The following NKAP variants were observed in gnomAD, a reference collection of about 807,000 sequenced individuals.
NKAP encodes the protein NF-kappa-B-activating protein.
A neutral mutation model predicts 35.6 loss-of-function variants in NKAP; 4 were observed. The ratio of observed to expected loss-of-function variants is 0.11; its 90% CI spans 0.06 to 0.26. NKAP has a LOEUF of 0.26. Among genes scored for constraint, NKAP ranks in the 10% least tolerant of loss-of-function variants. The pLI, the probability that NKAP is intolerant of heterozygous loss-of-function variation, is 1.00. For synonymous variants in NKAP, 106 were observed against 119.2 expected (o/e 0.89, Z 0.72); for missense variants, 238 against 321.9 (o/e 0.74, Z 1.99).
chrX:119,934,459 AAGAAATTTTCCAT>A, intron 5 of NKAP, 22 bp downstream of exon 5: 1 of 856,745 alleles, frequency 1.2e-6, no homozygotes, highest in African/African-American at 2.2e-5. Flanking sequence ...AAAAAAAGAA[AAGAAATTTTCCAT>A]AATAAAACTT....
chrX:119,932,177 T>G lies in NKAP; in HGVS notation c.777A>C (p.Lys259Asn). The change falls in exon 6 of 9, where the codon AAA becomes AAC. Residue 259 changes from lysine to asparagine, a missense_variant. Physicochemically the swap from Lys to Asn is moderately conservative, Grantham distance 94 (BLOSUM62 0). Transcript: ENST00000371410. ...CTTTAGAGCTTGAATCACTGGACTC[T>G]TTTCTGCTCTTCTTAGACCTCTTTT... ...YKKKRSKKSR[K>N]ESSDSSSKES... 8.3e-7 allele frequency: 1 copy of G among 1,205,933 alleles called. No homozygotes were observed. The highest frequency in any genetic ancestry group is 1.1e-6 in the Non-Finnish European group (1 of 891,525).
intron 4 of NKAP, among the ~76,000 whole-genome samples, chrX:119,935,586 TA>T (rs1244247472): frequency 1.8e-5 from 2 of 111,719 alleles, no homozygotes; most frequent in African/African-American, 6.5e-5. Flanking sequence ...TGCCTCTTTT[TA>T]AGTGTTGCAT....
chrX:119,932,056 G>T (rs1331345081), intron 6 of NKAP, 45 bp from the exon 7 acceptor site: 4 of 1,177,694 alleles, frequency 3.4e-6, no homozygotes, highest in Non-Finnish European at 4.6e-6. Flanking sequence ...CTGACTAATT[G>T]GTTACTTTAA....
At position 119,922,656 on chromosome X, in the gene NKAP, G is replaced by A. The variant is rs930522491; in HGVS notation, c.*2564C>T. 1 of 111,110 alleles carries A rather than the reference G, an allele frequency of 9.0e-6. No homozygotes were observed. The highest frequency in any genetic ancestry group is 3.3e-5 in the African/African-American group (1 of 30,586). The allele number at this position is 111,110 out of a possible 1,213,427, so 9.2% of individuals were successfully genotyped here. ...GGTGGAGGATTGCTTGAGCCCAGGA[G>A]GTGGAGGTTGCAGTGAGCCGAGATT... is the stretch of plus-strand genomic sequence containing the variant. On this transcript the variant is annotated 3_prime_UTR_variant, in exon 9 of 9. Coordinates refer to ENST00000371410, the MANE Select transcript of NKAP (RefSeq NM_024528.4).
chrX:119,935,691 C>G (rs892535483), intron 4 of NKAP, among the ~76,000 whole-genome samples: 7 of 111,377 alleles, frequency 6.3e-5, no homozygotes, highest in African/African-American at 2.3e-4. Context: ...GAAGGTGAAT[C>G]TTTGTGTAAT....
At position 119,938,607 on chromosome X, in the gene NKAP, A is replaced by AT. The variant is rs2056777906; in HGVS notation, c.467+122dup. 8.9e-5 allele frequency: 41 copies of AT among 461,839 alleles called. No homozygotes were observed. In the East Asian group the frequency reaches 1.6e-3, roughly 18 times the overall value. The allele number at this position is 461,839 out of a possible 1,213,427, so 38.1% of individuals were successfully genotyped here. A position where few individuals can be genotyped will look rare whatever the true frequency, so the allele number is the denominator to read the frequency against. Reference sequence around the variant, plus strand: ...TTTAAAACTTAAGGGGTAGAAGAACATAAATCACAAGAAAGAAAAATGTGA... The same window carrying AT: ...TTTAAAACTTAAGGGGTAGAAGAACATTAAATCACAAGAAAGAAAAATGTGA... On this transcript the variant is annotated intron_variant, in intron 2 of 8. Coordinates refer to ENST00000371410, the MANE Select transcript of NKAP (RefSeq NM_024528.4).
intron 1 of NKAP, among the ~76,000 whole-genome samples, chrX:119,939,465 T>G (rs1055563759): frequency 6.3e-5 from 7 of 110,938 alleles, no homozygotes; most frequent in Non-Finnish European, 1.3e-4. Context: ...TTTTGTATTC[T>G]TAGTAGAGAT....
rs1007423284 is a variant in NKAP at position 119,923,467 on chromosome X, A to G, written c.*1753T>C. 1 of 112,235 alleles carries G rather than the reference A, an allele frequency of 8.9e-6. No homozygotes were observed. The highest frequency in any genetic ancestry group is 1.9e-5 in the Non-Finnish European group (1 of 53,273). 9.2% of individuals were successfully genotyped at this position (112,235 alleles called of 1,213,427 possible). A position where few individuals can be genotyped will look rare whatever the true frequency, so the allele number is the denominator to read the frequency against. ...TAATATCATTTTAGTTTCTCTTATG[A>G]AACAATTAAGCTAAAATACTGACTC... On this transcript the variant is annotated 3_prime_UTR_variant, in exon 9 of 9. Transcript: ENST00000371410.
chrX:119,925,560 CTTT>C (rs1024895905), intron 8 of NKAP, among the ~76,000 whole-genome samples, 166 bp from the exon 9 acceptor site: 1 of 109,400 alleles, frequency 9.1e-6, no homozygotes, highest in African/African-American at 3.3e-5. Context: ...CTGACACGTC[CTTT>C]TTTTTTGTTT....
rs1569470860 is a variant in NKAP, at chrX:119,922,923, A to G, written c.*2297T>C. ...ATAATGCAGATCAAATAACCTTAACAAAAACGGCCAGGCACGGTTGCTCAC... is the reference window on the plus strand; with the variant it reads ...ATAATGCAGATCAAATAACCTTAACGAAAACGGCCAGGCACGGTTGCTCAC... On this transcript the variant is annotated 3_prime_UTR_variant, in exon 9 of 9. Transcript: ENST00000371410. The G allele has an allele frequency of 9.0e-6, 1 of 111,269 alleles. No individual in the cohort carries two copies. The highest frequency in any genetic ancestry group is 3.3e-5 in the African/African-American group (1 of 30,666). The allele number at this position is 111,269 out of a possible 1,213,427, so 9.2% of individuals were successfully genotyped here. A position where few individuals can be genotyped will look rare whatever the true frequency, so the allele number is the denominator to read the frequency against.
At position 119,943,719 on chromosome X, in the gene NKAP, G is replaced by T; in HGVS notation, c.-114C>A. The T allele has an allele frequency of 1.1e-6, 1 of 885,655 alleles. No individual in the cohort carries two copies. Among genetic ancestry groups the T allele is most frequent in the South Asian group, 2.6e-5 (1 of 38,083 alleles). The allele number at this position is 885,655 out of a possible 1,213,427, so 73.0% of individuals were successfully genotyped here. The stretch of plus-strand genomic sequence containing the variant: ...CCGCTGCGGAACAGCCCAAATCTGA[G>T]GAAACCTTGGACACAGTTCTGGGTA... On this transcript the variant is annotated 5_prime_UTR_variant, in exon 1 of 9. Coordinates refer to ENST00000371410, the MANE Select transcript of NKAP (RefSeq NM_024528.4).
At chrX:119,936,454 A>G in intron 3 of NKAP, 23 bp from the exon 4 acceptor site, 1 of 1,084,999 alleles carries the variant, frequency 9.2e-7, no homozygotes, top group Non-Finnish European at 1.2e-6. Context: ...AAATTAAAAA[A>G]TTATATTCTA....
At chrX:119,941,666 C>A (rs1457453628) in intron 1 of NKAP, among the ~76,000 whole-genome samples, 1 of 111,389 alleles carries the variant, frequency 9.0e-6, no homozygotes, top group Non-Finnish European at 1.9e-5. Context: ...CCCTCTGTCA[C>A]CCAAGCTGGA....
chrX:119,942,972 T>TCGCTAACAA, intron 1 of NKAP: 1 of 368,868 alleles, frequency 2.7e-6, no homozygotes, highest in Non-Finnish European at 4.7e-6. Context: ...TCGGCAATAT[T>TCGCTAACAA]CGCTAACAAG....
At chrX:119,942,190 C>T (rs2056796698) in intron 1 of NKAP, among the ~76,000 whole-genome samples, 2 of 111,247 alleles carry the variant, frequency 1.8e-5, no homozygotes, top group Non-Finnish European at 3.8e-5. Flanking sequence ...AGGACAGGCT[C>T]GGCAGGGCAT....
chrX:119,936,948 C>T (rs194310), intron 2 of NKAP: 38,917 of 234,750 alleles, frequency 0.17, 2,670 homozygotes, highest in South Asian at 0.36. Flanking sequence ...TTGCATAACA[C>T]TTTAGAGTTT....
intron 1 of NKAP, among the ~76,000 whole-genome samples, chrX:119,939,579 TAA>T (rs1040228944): frequency 1.8e-5 from 2 of 110,250 alleles, no homozygotes; most frequent in Admixed American, 1.9e-4. Context: ...GGGCCCGAAA[TAA>T]AAGTTTTTTA....
Position 119,943,360 on chromosome X carries a change from C to T in NKAP, c.246G>A (p.Glu82=). 8.2e-7 allele frequency: 1 copy of T among 1,212,186 alleles called. No individual in the cohort carries two copies. The highest frequency in any genetic ancestry group is 1.1e-6 in the Non-Finnish European group (1 of 895,514). Residue 82 remains glutamate, a synonymous_variant, in exon 1 of 9, where the codon GAG becomes GAA. Transcript: ENST00000371410. ...YRSRSRSRSR[E]RPSAPRGIPF... ...GGATGCCCCGGGGCGCAGAGGGCCG[C>T]TCTCTAGAACGCGACCGCGAGCGTG... is the stretch of plus-strand genomic sequence containing the variant.
In NKAP at chrX:119,923,339, T is replaced by C. The variant is rs1282706821; in HGVS notation, c.*1881A>G. On this transcript the variant is annotated 3_prime_UTR_variant, in exon 9 of 9. Transcript: ENST00000371410. The stretch of plus-strand genomic sequence containing the variant: ...ACAAAGGAACAAGACCACGATATCA[T>C]AGTCCCACAATTTTCCATTTCTCCC... 2.7e-5 allele frequency: 3 copies of C among 112,527 alleles called. No homozygotes were observed. Among genetic ancestry groups the C allele is most frequent in the Non-Finnish European group, 3.7e-5 (2 of 53,338 alleles). The allele number at this position is 112,527 out of a possible 1,213,427, so 9.3% of individuals were successfully genotyped here.
Sources: allele counts gnomAD v4.1 joint callset (sites outside exome capture counted in the v4.1 genomes callset), GRCh38; gene constraint gnomAD v4.1.1; transcripts MANE v1.5; gene names NCBI Gene and HGNC (gene_info 2026-07-23, HGNC 2026-07-21).